Variants in SSH1 observed in about 807,000 individuals in gnomAD.
SSH1 encodes slingshot protein phosphatase 1.
In SSH1, 43 loss-of-function variants were observed where a neutral mutation model predicts 79.7. That is an observed-to-expected ratio of 0.54 (90% confidence interval 0.42 to 0.70). The LOEUF is 0.70. Ranked by LOEUF, SSH1 falls within the 30% of genes least tolerant of loss-of-function variation. The pLI, the probability that SSH1 is intolerant of heterozygous loss-of-function variation, is 0.00. For synonymous variants in SSH1, 599 were observed against 538.3 expected (o/e 1.11, Z -1.56); for missense variants, 1,206 against 1,358.8 (o/e 0.89, Z 1.77).
rs766335799 is a variant in SSH1 at position 108,807,580 on chromosome 12, G to C, written c.731+53C>G. 1.2e-5 allele frequency: 19 copies of C among 1,579,426 alleles called. No homozygotes were observed. The highest frequency in any genetic ancestry group is 4.0e-5 in the African/African-American group (3 of 74,130). On this transcript the variant is annotated intron_variant, in intron 8 of 14. Transcript: ENST00000326495. This position sits in a 1 kb window ranked among gnomAD's most constrained non-coding sequence, Gnocchi z 5.2. ...GGTCGGGCACAGGGCAGGTGGGGGAGAGGCAGGTGCCTGTGGGCTTGGGTG... is the reference window on the plus strand; with the variant it reads ...GGTCGGGCACAGGGCAGGTGGGGGACAGGCAGGTGCCTGTGGGCTTGGGTG...
At chr12:108,796,972 C>T (rs2036778233) in intron 13 of SSH1, among the ~76,000 whole-genome samples, 1 of 152,112 alleles carries the variant, frequency 6.6e-6, no homozygotes, top group South Asian at 2.1e-4. Flanking sequence ...GAACTCCTGA[C>T]CTCAGGTGAT....
intron 2 of SSH1, among the ~76,000 whole-genome samples, chr12:108,830,073 C>A (rs2038436254): frequency 6.6e-6 from 1 of 152,188 alleles, no homozygotes; most frequent in African/African-American, 2.4e-5. Context: ...CACCACTGCA[C>A]TCCAACCTGG....
rs1383565682 is a variant in SSH1 at position 108,779,190 on chromosome 12, G to C, written c.*8798C>G. 6.6e-6 allele frequency: 1 copy of C among 152,078 alleles called. No individual in the cohort carries two copies. The highest frequency in any genetic ancestry group is 1.9e-4 in the East Asian group (1 of 5,198). The allele number at this position is 152,078 out of a possible 1,614,324, so 9.4% of individuals were successfully genotyped here. A position where few individuals can be genotyped will look rare whatever the true frequency, so the allele number is the denominator to read the frequency against. ...ATGCCACACTGTATTTGCTGAAGTG[G>C]TTTACAAAAAAAAGGAATTTCAGGT... On this transcript the variant is annotated 3_prime_UTR_variant, in exon 15 of 15. Transcript: ENST00000326495.
chr12:108,841,040 A>T (rs2038764949), intron 2 of SSH1, among the ~76,000 whole-genome samples: 2 of 152,242 alleles, frequency 1.3e-5, no homozygotes, highest in South Asian at 4.1e-4. Context: ...CTGAGGACTC[A>T]TTCTTAAATT....
chr12:108,785,074 G>C lies in SSH1; in HGVS notation c.*2914C>G, dbSNP rs2036234229. ...GACAGCATGAATTCGTCTTTGCCCA[G>C]GTGTCCCGACACCTGACAGAATGCT... On this transcript the variant is annotated 3_prime_UTR_variant, in exon 15 of 15. Transcript: ENST00000326495. 1.3e-5 allele frequency: 2 copies of C among 152,194 alleles called. No individual in the cohort carries two copies. Among genetic ancestry groups the C allele is most frequent in the Admixed American group, 1.3e-4 (2 of 15,278 alleles). 9.4% of individuals were successfully genotyped at this position (152,194 alleles called of 1,614,324 possible). A position where few individuals can be genotyped will look rare whatever the true frequency, so the allele number is the denominator to read the frequency against.
chr12:108,845,302 A>G (rs2038874171), intron 2 of SSH1, among the ~76,000 whole-genome samples: 1 of 152,044 alleles, frequency 6.6e-6, no homozygotes, highest in African/African-American at 2.4e-5. Context: ...AGCCCCGGCC[A>G]GCAAGCCTTG....
chr12:108,801,556 G>GA (rs1379368817), intron 11 of SSH1, among the ~76,000 whole-genome samples: 1 of 152,106 alleles, frequency 6.6e-6, no homozygotes, highest in Non-Finnish European at 1.5e-5. Flanking sequence ...CCAGCAAGAC[G>GA]AAAGCACAGA....
In SSH1 at chr12:108,818,325, A is replaced by T; in HGVS notation, c.215-12T>A. On this transcript the variant is annotated splice_polypyrimidine_tract_variant and intron_variant, in intron 3 of 14. Coordinates refer to ENST00000326495, the MANE Select transcript of SSH1 (RefSeq NM_018984.4). ...TTGAGGCAGATCACCTGTTGGACCA[A>T]TAAAGAAAGCTTTAAAAGGTCTCTT... The T allele has an allele frequency of 6.2e-7, 1 of 1,613,550 alleles. No homozygotes were observed. The highest frequency in any genetic ancestry group is 1.1e-5 in the South Asian group (1 of 91,078).
chr12:108,852,519 C>G, intron 2 of SSH1, 119 bp downstream of exon 2: 1 of 1,286,584 alleles, frequency 7.8e-7, no homozygotes. Context: ...CGTGACCCAC[C>G]GCACCCAGCC....
At chr12:108,816,799 CA>C (rs2037908930) in intron 5 of SSH1, among the ~76,000 whole-genome samples, 2 of 122,578 alleles carry the variant, frequency 1.6e-5, no homozygotes, top group South Asian at 5.7e-4. Context: ...AAGCAAACAG[CA>C]TAACTTTCTG....
At chr12:108,793,074 T>C (rs945392291) in intron 13 of SSH1, among the ~76,000 whole-genome samples, 1 of 152,220 alleles carries the variant, frequency 6.6e-6, no homozygotes, top group South Asian at 2.1e-4. Context: ...CTGCCTCTGA[T>C]GACAACGGGG....
intron 7 of SSH1, among the ~76,000 whole-genome samples, chr12:108,808,533 C>T (rs983452672): frequency 6.6e-6 from 1 of 152,174 alleles, no homozygotes; most frequent in Non-Finnish European, 1.5e-5. Flanking sequence ...GCGTGGTAAC[C>T]CTGAACATAT....
At chr12:108,798,131 C>T (rs752945954) in intron 13 of SSH1, among the ~76,000 whole-genome samples, 3 of 152,226 alleles carry the variant, frequency 2.0e-5, no homozygotes, top group Admixed American at 1.3e-4. Flanking sequence ...TGCACTAGTT[C>T]GCTTGTACGC....
intron 4 of SSH1, among the ~76,000 whole-genome samples, chr12:108,818,036 C>CA (rs932016796): frequency 2.6e-5 from 4 of 152,070 alleles, no homozygotes; most frequent in African/African-American, 9.7e-5. Flanking sequence ...CCCATATCCA[C>CA]AAAATTTTTT....
intron 1 of SSH1, among the ~76,000 whole-genome samples, chr12:108,856,543 A>T (rs569797109): frequency 6.6e-6 from 1 of 152,350 alleles, no homozygotes; most frequent in African/African-American, 2.4e-5. Flanking sequence ...TGTTACAGAA[A>T]GGAAAAGCCA....
rs1471537965 is a variant in SSH1, at chr12:108,787,925, C to T, written c.*63G>A. ...GATGTAAGGGGTCGATCCAAATCCA[C>T]AGTGAAAGTGAGGGAGGGATCATAT... is the stretch of plus-strand genomic sequence containing the variant. On this transcript the variant is annotated 3_prime_UTR_variant, in exon 15 of 15. Coordinates refer to ENST00000326495, the MANE Select transcript of SSH1 (RefSeq NM_018984.4). The T allele has an allele frequency of 3.1e-6, 5 of 1,598,400 alleles. No individual in the cohort carries two copies. The highest frequency in any genetic ancestry group is 2.2e-5 in the South Asian group (2 of 90,736).
intron 10 of SSH1, among the ~76,000 whole-genome samples, chr12:108,803,123 C>T (rs2037096701): frequency 6.6e-6 from 1 of 151,932 alleles, no homozygotes; most frequent in Non-Finnish European, 1.5e-5. Context: ...TTTCTTTGTG[C>T]GTTTTCAAAG....
intron 5 of SSH1, among the ~76,000 whole-genome samples, chr12:108,813,772 G>GGGAAGGGAAGGGGAAT (rs1270339846): frequency 5.8e-4 from 84 of 145,224 alleles, no homozygotes; most frequent in African/African-American, 2.0e-3. Flanking sequence ...GGGAGGGGAA[G>GGGAAGGGAAGGGGAAT]GGAAGGGAAG....
rs772356742 is a variant in SSH1 at position 108,802,167 on chromosome 12, T to G, written c.1001+155A>C. ...AGGGCGTGGTGTTTGGAAGCACATC[T>G]GTTTAGCTATGCACATCAACCCCTG... On this transcript the variant is annotated intron_variant, in intron 11 of 14. Coordinates refer to ENST00000326495, the MANE Select transcript of SSH1 (RefSeq NM_018984.4). Among the ~76,000 whole-genome samples, 98 of 152,214 alleles carry G rather than the reference T, an allele frequency of 6.4e-4. 1 individual carries two copies. Among genetic ancestry groups the G allele is most frequent in the Non-Finnish European group, 2.4e-4 (16 of 68,040 alleles).
Sources: allele counts gnomAD v4.1 joint callset (sites outside exome capture counted in the v4.1 genomes callset), GRCh38; gene constraint gnomAD v4.1.1; non-coding constraint Gnocchi (gnomAD v3.1); transcripts MANE v1.5; gene names NCBI Gene and HGNC (gene_info 2026-07-23, HGNC 2026-07-21).